Variants in RPS6KA6 observed in about 807,000 individuals in gnomAD.
The protein encoded by RPS6KA6 is ribosomal protein S6 kinase alpha-6.
In RPS6KA6, 27 loss-of-function variants were observed where a neutral mutation model predicts 65.4. The observed-to-expected ratio is 0.41, with a 90% CI of 0.30 to 0.57. The LOEUF is 0.57. Ranked by LOEUF, RPS6KA6 falls within the 20% of genes least tolerant of loss-of-function variation. The pLI is 0.24. For synonymous variants in RPS6KA6, 190 were observed against 184.2 expected, an observed-to-expected ratio of 1.03 and a Z score of -0.26; for missense variants, 486 against 555.6, an observed-to-expected ratio of 0.87 and a Z score of 1.26.
intron 8 of RPS6KA6, among the ~76,000 whole-genome samples, chrX:84,128,397 A>C (rs2034834820): frequency 8.9e-6 from 1 of 111,763 alleles, no homozygotes; most frequent in Non-Finnish European, 1.9e-5. Context: ...TCATGAATTG[A>C]AAGAGTCAAT....
At chrX:84,087,018 C>T (rs2033937578) in intron 20 of RPS6KA6, among the ~76,000 whole-genome samples, 1 of 111,205 alleles carries the variant, frequency 9.0e-6, no homozygotes, top group South Asian at 3.8e-4. Flanking sequence ...AAATTTTCCT[C>T]CATCCTTTTA....
intron 1 of RPS6KA6, among the ~76,000 whole-genome samples, chrX:84,175,961 A>T (rs2035760610): frequency 9.0e-6 from 1 of 111,720 alleles, no homozygotes; most frequent in Non-Finnish European, 1.9e-5. Flanking sequence ...ATTAAAAAAA[A>T]TCCAATTATC....
At position 84,081,946 on chromosome X, in the gene RPS6KA6, C is replaced by G. The variant is rs763947703; in HGVS notation, c.1971+14248G>C. 1.0e-3 allele frequency among the ~76,000 whole-genome samples: 116 copies of G among 112,042 alleles called. 1 individual carries two copies. The highest frequency in any genetic ancestry group is 3.5e-3 in the African/African-American group (109 of 30,865). The stretch of plus-strand genomic sequence containing the variant: ...AACTAGGTATTGATGGAACATATTT[C>G]AAAATAGTAAGAGCTATTTATGAGG... On this transcript the variant is annotated intron_variant, in intron 20 of 21. Transcript: ENST00000262752.
At chrX:84,187,198 G>T (rs959681354) in intron 1 of RPS6KA6, among the ~76,000 whole-genome samples, 9 of 111,865 alleles carry the variant, frequency 8.0e-5, no homozygotes, top group Non-Finnish European at 1.7e-4. Context: ...GGACCTGAGA[G>T]GAAGCAGTAG....
intron 3 of RPS6KA6, among the ~76,000 whole-genome samples, chrX:84,150,218 T>C (rs1331289541): frequency 8.9e-6 from 1 of 111,947 alleles, no homozygotes; most frequent in Non-Finnish European, 1.9e-5. Flanking sequence ...GGGAGTGTTG[T>C]GGCTGCTTTG....
At chrX:84,138,770 G>A (rs746042588) in intron 6 of RPS6KA6, among the ~76,000 whole-genome samples, 2 of 101,500 alleles carry the variant, frequency 2.0e-5, no homozygotes, top group South Asian at 9.9e-4. Flanking sequence ...ATAGAGCACA[G>A]CTTAAGAGTT....
chrX:84,064,491 T>C, intron 21 of RPS6KA6, 89 bp from the exon 22 acceptor site: 1 of 852,050 alleles, frequency 1.2e-6, no homozygotes, highest in Non-Finnish European at 1.6e-6. Flanking sequence ...GAGACATATA[T>C]CTAGAACAAA....
At chrX:84,089,178 T>A (rs1201213877) in intron 20 of RPS6KA6, among the ~76,000 whole-genome samples, 2 of 111,366 alleles carry the variant, frequency 1.8e-5, no homozygotes, top group African/African-American at 6.5e-5. Context: ...CTGGCACAGC[T>A]GCTGTGCTGC....
intron 6 of RPS6KA6, among the ~76,000 whole-genome samples, chrX:84,136,343 T>C (rs1331491300): frequency 9.0e-6 from 1 of 111,719 alleles, no homozygotes; most frequent in Non-Finnish European, 1.9e-5. Flanking sequence ...GGCCACTGCA[T>C]TTCACAATGC....
chrX:84,155,305 A>G (rs138308641), intron 3 of RPS6KA6, among the ~76,000 whole-genome samples: 5,673 of 111,410 alleles, frequency 0.051, 199 homozygotes, highest in East Asian at 0.2. Context: ...ACTAAATCTC[A>G]GCCACTTGAA....
rs1047387932 is a variant in RPS6KA6, at chrX:84,187,805, G to A, written c.81+14C>T. ...CGGGGGTTGGCTCCAGCCCGTCTTGGCCACCACACTAACCTCGCCGCTGCT... is the reference window on the plus strand; with the variant it reads ...CGGGGGTTGGCTCCAGCCCGTCTTGACCACCACACTAACCTCGCCGCTGCT... On this transcript the variant is annotated intron_variant, in intron 1 of 21. Transcript: ENST00000262752. 19 of 1,194,096 alleles carry A rather than the reference G, an allele frequency of 1.6e-5. No individual in the cohort carries two copies. The highest frequency in any genetic ancestry group is 3.1e-5 in the East Asian group (1 of 32,104).
chrX:84,185,258 T>C (rs1406209140), intron 1 of RPS6KA6, among the ~76,000 whole-genome samples: 1 of 111,085 alleles, frequency 9.0e-6, no homozygotes, highest in Non-Finnish European at 1.9e-5. Flanking sequence ...CTTACCCTAT[T>C]TCCCCTCTTC....
chrX:84,089,644 A>T (rs752591133), intron 20 of RPS6KA6, among the ~76,000 whole-genome samples: 1 of 110,462 alleles, frequency 9.1e-6, no homozygotes, highest in Admixed American at 9.6e-5. Context: ...GATCCATGGG[A>T]GAAGCACGGT....
intron 6 of RPS6KA6, among the ~76,000 whole-genome samples, chrX:84,143,949 A>T (rs763522914): frequency 4.5e-5 from 5 of 111,389 alleles, no homozygotes; most frequent in Admixed American, 9.6e-5. Flanking sequence ...AGACTTTTCC[A>T]ATAATGATGC....
chrX:84,095,535 G>A (rs1025007166), intron 20 of RPS6KA6, among the ~76,000 whole-genome samples: 2 of 111,168 alleles, frequency 1.8e-5, no homozygotes, highest in Admixed American at 9.6e-5. Context: ...ATATTCACAC[G>A]GCTTTAAGTA....
Position 84,064,399 on chromosome X carries a change from C to A in RPS6KA6, c.2116G>T (p.Ala706Ser). 1 of 1,190,336 alleles carries A rather than the reference C, an allele frequency of 8.4e-7. No individual in the cohort carries two copies. The highest frequency in any genetic ancestry group is 1.1e-6 in the Non-Finnish European group (1 of 887,221). ...RNDVSHVVKG[A>S]MVATYSALTH... ...AGGGCAGAGTATGTTGCAACCATTG[C>A]TCCCTAAAGTAATGAGAAAATGCCA... Residue 706 changes from alanine (A) to serine (S), a missense_variant, in exon 22 of 22, where the codon GCA becomes TCA. Ala to Ser is a moderately conservative substitution (Grantham distance 99, BLOSUM62 1). Transcript: ENST00000262752.
At chrX:84,172,164 T>C (rs1199756615) in intron 1 of RPS6KA6, among the ~76,000 whole-genome samples, 1 of 112,082 alleles carries the variant, frequency 8.9e-6, no homozygotes, top group East Asian at 2.8e-4. Flanking sequence ...ATAGTGTTTA[T>C]ATATAGTGCT....
rs1332923613 is a variant in RPS6KA6, at chrX:84,063,780, T to C, written c.*497A>G. On this transcript the variant is annotated 3_prime_UTR_variant, in exon 22 of 22. Transcript: ENST00000262752. ...ATTTTAGTAACTACAGTGAGTCAAA[T>C]GAATGGAGTCCTTTGGTTTTACGGA... 1 of 112,122 alleles carries C rather than the reference T, an allele frequency of 8.9e-6. No individual in the cohort carries two copies. Among genetic ancestry groups the C allele is most frequent in the African/African-American group, 3.2e-5 (1 of 30,872 alleles). The allele number at this position is 112,122 out of a possible 1,213,427, so 9.2% of individuals were successfully genotyped here. A position where few individuals can be genotyped will look rare whatever the true frequency, so the allele number is the denominator to read the frequency against.
rs376546960 is a variant in RPS6KA6, at chrX:84,163,511, C to A, written c.141+817G>T. Among the ~76,000 whole-genome samples the A allele has an allele frequency of 3.3e-3, 350 of 105,385 alleles. 1 individual carries two copies. The highest frequency in any genetic ancestry group is 0.011 in the African/African-American group (328 of 28,848). 91.5% of individuals were successfully genotyped at this position (105,385 alleles called of 115,157 possible). On this transcript the variant is annotated intron_variant, in intron 2 of 21. Transcript: ENST00000262752. ...AAAATTAGCCGGGCGCGGTGGCGGG[C>A]GCCTGTAGTCCCAGCTACTCGGGAG... is the stretch of plus-strand genomic sequence containing the variant.
Sources: allele counts gnomAD v4.1 joint callset (sites outside exome capture counted in the v4.1 genomes callset), GRCh38; gene constraint gnomAD v4.1.1; transcripts MANE v1.5; gene names NCBI Gene and HGNC (gene_info 2026-07-23, HGNC 2026-07-21).